TRIM33: variants seen among roughly 807,000 people sequenced by gnomAD.
TRIM33 encodes E3 ubiquitin-protein ligase TRIM33.
A neutral mutation model predicts 125.4 loss-of-function variants in TRIM33; 20 were observed. The observed-to-expected ratio is 0.16, with a 90% CI of 0.11 to 0.23. The LOEUF is 0.23. Among genes scored for constraint, TRIM33 ranks in the 10% least tolerant of loss-of-function variants. TRIM33 has a pLI of 1.00. For synonymous variants in TRIM33, 564 were observed against 513.9 expected, an observed-to-expected ratio of 1.10 and a Z score of -1.32; for missense variants, 920 against 1,411.4, an observed-to-expected ratio of 0.65 and a Z score of 5.58.
intron 1 of TRIM33, among the ~76,000 whole-genome samples, chr1:114,485,822 C>G (rs1651648258): frequency 1.3e-5 from 2 of 152,146 alleles, no homozygotes; most frequent in African/African-American, 4.8e-5. Flanking sequence ...ATGTGATATC[C>G]AAAATATTTG....
chr1:114,492,667 T>C (rs1053509866), intron 1 of TRIM33, among the ~76,000 whole-genome samples: 4 of 152,208 alleles, frequency 2.6e-5, no homozygotes, highest in Non-Finnish European at 4.4e-5. Context: ...CATGTAAGTA[T>C]AATCTTATAT....
intron 1 of TRIM33, among the ~76,000 whole-genome samples, chr1:114,474,409 T>C (rs1033271468): frequency 7.3e-5 from 10 of 136,310 alleles, no homozygotes; most frequent in African/African-American, 2.7e-4. Flanking sequence ...TTCTACAAAT[T>C]AAAAAAAAAA....
intron 10 of TRIM33, among the ~76,000 whole-genome samples, chr1:114,424,255 AG>A (rs1245281550): frequency 3.9e-5 from 6 of 152,200 alleles, no homozygotes; most frequent in Non-Finnish European, 8.8e-5. Context: ...CAGCATTTTC[AG>A]GAAACTAATG....
intron 4 of TRIM33, among the ~76,000 whole-genome samples, chr1:114,447,393 GA>G (rs113203150): frequency 2.0e-5 from 3 of 147,334 alleles, no homozygotes; most frequent in East Asian, 2.0e-4. Context: ...CTATGCAACT[GA>G]AAAAAAAAAT....
At chr1:114,430,017 T>C (rs1647841292) in intron 6 of TRIM33, among the ~76,000 whole-genome samples, 1 of 151,940 alleles carries the variant, frequency 6.6e-6, no homozygotes, top group Non-Finnish European at 1.5e-5. Flanking sequence ...ATCACAAAAT[T>C]TTCACTAAGT....
At chr1:114,432,821 TTTCA>T (rs565295261) in intron 5 of TRIM33, among the ~76,000 whole-genome samples, 2 of 152,308 alleles carry the variant, frequency 1.3e-5, no homozygotes, top group East Asian at 1.9e-4. Flanking sequence ...AAAGTACTAT[TTTCA>T]TTCATTCATT....
At chr1:114,504,321 A>C (rs1425361086) in intron 1 of TRIM33, among the ~76,000 whole-genome samples, 4 of 152,004 alleles carry the variant, frequency 2.6e-5, no homozygotes, top group Non-Finnish European at 4.4e-5. Flanking sequence ...ACGCACTACC[A>C]TGCCTATTTA....
At chr1:114,507,190 C>A (rs2101586936) in intron 1 of TRIM33, among the ~76,000 whole-genome samples, 2 of 152,344 alleles carry the variant, frequency 1.3e-5, no homozygotes, top group Middle Eastern at 3.4e-3. Flanking sequence ...AGTGAGAGCC[C>A]TTCATTCAAG....
rs1571999702 is a variant in TRIM33 at position 114,397,528 on chromosome 1, G to A, written c.*120C>T. The A allele has an allele frequency of 2.9e-5, 20 of 681,614 alleles. No homozygotes were observed. The East Asian group carries it at 5.3e-4, about 18-fold the overall frequency. 42.2% of individuals were successfully genotyped at this position (681,614 alleles called of 1,614,324 possible). ...GTGTAAAAGCTATCAGCTTCTTCAA[G>A]GAGGTGCCCACTGTAGGCAGGATAT... On this transcript the variant is annotated 3_prime_UTR_variant, in exon 20 of 20. Transcript: ENST00000358465.
At chr1:114,453,277 T>C (rs1649427910) in intron 4 of TRIM33, among the ~76,000 whole-genome samples, 1 of 149,902 alleles carries the variant, frequency 6.7e-6, no homozygotes, top group Non-Finnish European at 1.5e-5. Context: ...GGCATGAGAA[T>C]CACTTGAATC....
In TRIM33 at chr1:114,419,331, G is replaced by C. The variant is rs371600311; in HGVS notation, c.2061+2105C>G. The stretch of plus-strand genomic sequence containing the variant: ...CCTCCTGCGTGGCGTGAGTGGCCTC[G>C]CGTCATTAAACTCTTTACTGCAGTG... On this transcript the variant is annotated intron_variant, in intron 11 of 19. Transcript: ENST00000358465. Among the ~76,000 whole-genome samples the C allele has an allele frequency of 1.1e-4, 16 of 152,034 alleles. No homozygotes were observed. The East Asian group carries it at 2.3e-3, about 22-fold the overall frequency.
intron 1 of TRIM33, among the ~76,000 whole-genome samples, chr1:114,479,152 G>A (rs1292983079): frequency 1.3e-5 from 2 of 152,108 alleles, no homozygotes; most frequent in Non-Finnish European, 2.9e-5. Flanking sequence ...GACGAGAAAA[G>A]AACAGATCCT....
chr1:114,407,839 G>C (rs1000103788), intron 13 of TRIM33, among the ~76,000 whole-genome samples: 7 of 152,220 alleles, frequency 4.6e-5, no homozygotes, highest in African/African-American at 1.7e-4. Context: ...TAAACAGAAA[G>C]AATTTATCCT....
Position 114,405,439 on chromosome 1 carries a change from A to G in TRIM33, c.2739T>C (p.Cys913=). 3 of 1,613,740 alleles carry G rather than the reference A, an allele frequency of 1.9e-6. No homozygotes were observed. The highest frequency in any genetic ancestry group is 1.7e-5 in the Admixed American group (1 of 60,000). The change falls in exon 15 of 20, where the codon TGT becomes TGC. Residue 913 remains cysteine (C), a synonymous_variant. Coordinates refer to ENST00000358465, the MANE Select transcript of TRIM33 (RefSeq NM_015906.4). ...EKCPKVFHLT[C]HVPTLLSFPS... ...GAAAGCTAAGTAGTGTTGGAACATGACAAGTTAGATGAAAGACCTTTGGAC... is the reference window on the plus strand; with the variant it reads ...GAAAGCTAAGTAGTGTTGGAACATGGCAAGTTAGATGAAAGACCTTTGGAC...
At chr1:114,499,397 T>TA (rs879525344) in intron 1 of TRIM33, among the ~76,000 whole-genome samples, 212 of 143,514 alleles carry the variant, frequency 1.5e-3, no homozygotes, top group East Asian at 4.6e-3. Flanking sequence ...ACAGTGAAAT[T>TA]AAAAAAAAAA....
intron 1 of TRIM33, among the ~76,000 whole-genome samples, chr1:114,479,500 G>A (rs1384336452): frequency 6.6e-6 from 1 of 151,934 alleles, no homozygotes; most frequent in East Asian, 1.9e-4. Flanking sequence ...TATAAACCAA[G>A]AATTGTATAT....
At chr1:114,508,799 G>A (rs1295853581) in intron 1 of TRIM33, among the ~76,000 whole-genome samples, 2 of 152,022 alleles carry the variant, frequency 1.3e-5, no homozygotes, top group Non-Finnish European at 2.9e-5. Flanking sequence ...CATTTCATTA[G>A]TAACTACCAC....
intron 1 of TRIM33, among the ~76,000 whole-genome samples, chr1:114,481,630 TA>T (rs1651352827): frequency 1.0e-5 from 1 of 95,764 alleles, no homozygotes; most frequent in Non-Finnish European, 2.3e-5. Flanking sequence ...GAAAAAAAAC[TA>T]TATATATATG....
chr1:114,480,598 A>G (rs1482105652), intron 1 of TRIM33, among the ~76,000 whole-genome samples: 2 of 151,952 alleles, frequency 1.3e-5, no homozygotes, highest in African/African-American at 4.8e-5. Context: ...ATTTTAAGGT[A>G]CACTAAAAAT....
Sources: gnomAD v4.1 joint callset for allele counts (sites outside exome capture counted in the v4.1 genomes callset) on GRCh38, gnomAD v4.1.1 for gene constraint, MANE v1.5 for transcripts, NCBI Gene and HGNC (gene_info 2026-07-23, HGNC 2026-07-21) for gene names.